Variants in ANXA4 observed in about 807,000 individuals in gnomAD.
ANXA4 encodes 35-beta calcimedin.
A neutral mutation model predicts 49.8 loss-of-function variants in ANXA4; 39 were observed. The ratio of observed to expected loss-of-function variants is 0.78; its 90% confidence interval spans 0.61 to 1.02. The LOEUF (loss-of-function observed/expected upper bound fraction) is 1.02, where lower values mean the gene tolerates loss of function less well. ANXA4 is among the 50% of genes least tolerant of loss of function. The pLI is 0.00. For synonymous variants in ANXA4, 134 were observed against 152.5 expected (o/e 0.88, Z 0.89); for missense variants, 360 against 410.1 (o/e 0.88, Z 1.05).
chr2:69,741,162 A>G (rs569787058), upstream of ANXA4, among the ~76,000 whole-genome samples: 103 of 152,244 alleles, frequency 6.8e-4, no homozygotes, highest in Non-Finnish European at 1.3e-3. Flanking sequence ...GCCATTAACC[A>G]CTTAGATTTT....
chr2:69,693,640 G>A (rs376815138), intron 2 of ANXA4, among the ~76,000 whole-genome samples: 1 of 152,288 alleles, frequency 6.6e-6, no homozygotes, highest in African/African-American at 2.4e-5. Flanking sequence ...CAGTGTCTGT[G>A]GGGACAGGAG....
At chr2:69,770,239 T>G (rs1671654015) in intron 1 of ANXA4, among the ~76,000 whole-genome samples, 5 of 152,150 alleles carry the variant, frequency 3.3e-5, no homozygotes, top group Admixed American at 2.6e-4. Context: ...CCTTTACTTT[T>G]AGAAGGATCT....
chr2:69,820,236 G>GT (rs34277325), intron 11 of ANXA4, among the ~76,000 whole-genome samples: 33,048 of 146,148 alleles, frequency 0.23, 3,930 homozygotes, highest in East Asian at 0.39. Context: ...AGAGGAAAGG[G>GT]TTTTTTTTTT....
intron 1 of ANXA4, among the ~76,000 whole-genome samples, chr2:69,769,410 A>G (rs1005979791): frequency 2.4e-4 from 36 of 152,228 alleles, no homozygotes; most frequent in African/African-American, 8.2e-4. Flanking sequence ...TAGGTGTTTT[A>G]TCCCAGTCTG....
intron 2 of ANXA4, among the ~76,000 whole-genome samples, chr2:69,678,389 CT>C (rs150952411): frequency 0.012 from 908 of 78,370 alleles, 5 homozygotes; most frequent in African/African-American, 0.041. Context: ...CTTTTCTTTT[CT>C]TTTTTTTTTT....
In ANXA4 at chr2:69,818,706, G is replaced by C. The variant is rs1573318062; in HGVS notation, c.724+12G>C. On this transcript the variant is annotated intron_variant, in intron 10 of 12. Transcript: ENST00000394295. The stretch of plus-strand genomic sequence containing the variant: ...TCTGCTGGCTATAGGTAAGCTGGTA[G>C]GGGGAGTAGAGAAACAAATGTTTAT... 6 of 1,552,356 alleles carry C rather than the reference G, an allele frequency of 3.9e-6. No homozygotes were observed. The East Asian group carries it at 1.4e-4, about 35-fold the overall frequency.
intron 6 of ANXA4, 58 bp from the exon 7 acceptor site, chr2:69,810,536 G>A: frequency 2.8e-6 from 4 of 1,427,022 alleles, no homozygotes; most frequent in Non-Finnish European, 3.0e-6. Context: ...TCTGGAGTGT[G>A]ACAGGGCATT....
At chr2:69,683,933 G>A (rs1677692377) in intron 2 of ANXA4, among the ~76,000 whole-genome samples, 1 of 152,152 alleles carries the variant, frequency 6.6e-6, no homozygotes, top group Admixed American at 6.6e-5. Flanking sequence ...TTGGAACTAT[G>A]CATAAGGGCA....
chr2:69,821,623 T>C (rs1276813509), intron 12 of ANXA4, among the ~76,000 whole-genome samples: 1 of 151,940 alleles, frequency 6.6e-6, no homozygotes, highest in East Asian at 1.9e-4. Context: ...GCATGAGCTT[T>C]GTATTTTTTG....
At chr2:69,677,690 A>G (rs1677457057) in intron 2 of ANXA4, among the ~76,000 whole-genome samples, 2 of 152,280 alleles carry the variant, frequency 1.3e-5, no homozygotes, top group South Asian at 2.1e-4. Flanking sequence ...GCTGAAGGAG[A>G]CTGGAAGAGC....
chr2:69,806,427 G>C lies in ANXA4; in HGVS notation c.235G>C (p.Glu79Gln). 2.5e-6 allele frequency: 4 copies of C among 1,614,146 alleles called. No homozygotes were observed. Among genetic ancestry groups the C allele is most frequent in the South Asian group, 1.1e-5 (1 of 91,080 alleles). Residue 79 changes from glutamate (E) to glutamine (Q), a missense_variant, in exon 5 of 13, where the codon GAG becomes CAG. Glu to Gln is a conservative substitution (Grantham distance 29). Coordinates refer to ENST00000394295, the MANE Select transcript of ANXA4 (RefSeq NM_001153.5). ...GAAGTCAGAACTGAGTGGCAACTTCGAGCAGGTGATTGTGGGGATGATGAC... is the reference window on the plus strand; with the variant it reads ...GAAGTCAGAACTGAGTGGCAACTTCCAGCAGGTGATTGTGGGGATGATGAC... ...DLKSELSGNF[E>Q]QVIVGMMTPT...
At chr2:69,724,137 AAAAAG>A (rs1185068317) in intron 3 of ANXA4, among the ~76,000 whole-genome samples, 2 of 152,170 alleles carry the variant, frequency 1.3e-5, no homozygotes, top group Non-Finnish European at 1.5e-5. Flanking sequence ...AGAAAAAAAG[AAAAAG>A]AAAAGAAATG....
At chr2:69,824,408 C>G (rs1285671425) in intron 12 of ANXA4, among the ~76,000 whole-genome samples, 1 of 150,034 alleles carries the variant, frequency 6.7e-6, no homozygotes, top group African/African-American at 2.5e-5. Flanking sequence ...GCAGCTGAGG[C>G]AGGAGAATCA....
At chr2:69,695,303 C>G (rs562447181) in intron 2 of ANXA4, among the ~76,000 whole-genome samples, 1 of 152,116 alleles carries the variant, frequency 6.6e-6, no homozygotes, top group Non-Finnish European at 1.5e-5. Context: ...GCATTGCAGA[C>G]GAGTATAACC....
intron 2 of ANXA4, among the ~76,000 whole-genome samples, chr2:69,716,555 T>C (rs1669639933): frequency 6.6e-6 from 1 of 152,004 alleles, no homozygotes; most frequent in Admixed American, 6.6e-5. Context: ...GTTTGGTCTT[T>C]ATGTGAGGGC....
rs199943902 is a variant in ANXA4 at position 69,647,388 on chromosome 2, T to TTTTATTTATTTA, written n.481+2507_481+2518dup. On this transcript the variant is annotated intron_variant and non_coding_transcript_variant, in intron 1 of 3. Coordinates refer to the ANXA4 transcript ENST00000418066. Reference sequence around the variant, plus strand: ...ATATTGTTTTATTGTTTTATTTTTATTTTATTTATTTATTTATTTATTTAT... The same window carrying TTTTATTTATTTA: ...ATATTGTTTTATTGTTTTATTTTTATTTTATTTATTTATTTATTTATTTATTTATTTATTTAT... 9.9e-3 allele frequency among the ~76,000 whole-genome samples: 1,441 copies of TTTTATTTATTTA among 145,998 alleles called. 21 individuals carry two copies. Among genetic ancestry groups the TTTTATTTATTTA allele is most frequent in the African/African-American group, 0.031 (1,235 of 39,710 alleles).
intron 2 of ANXA4, among the ~76,000 whole-genome samples, chr2:69,784,554 A>G (rs1672336188): frequency 6.6e-6 from 1 of 152,270 alleles, no homozygotes; most frequent in African/African-American, 2.4e-5. Flanking sequence ...GATATATAAT[A>G]GAAGAAAAGA....
rs1024469611 is a variant in ANXA4 at position 69,645,117 on chromosome 2, A to G, written n.481+212A>G. On this transcript the variant is annotated intron_variant and non_coding_transcript_variant, in intron 1 of 3. Coordinates refer to the ANXA4 transcript ENST00000418066. ...TTTTTCAGCGGGTATTTGAGTAGAG[A>G]AGGGTGTCCCAGGGAAAAAAATGGT... is the stretch of plus-strand genomic sequence containing the variant. 2.0e-5 allele frequency among the ~76,000 whole-genome samples: 3 copies of G among 152,134 alleles called. No homozygotes were observed. In the South Asian group the frequency reaches 6.2e-4, roughly 31 times the overall value.
chr2:69,761,240 G>A (rs745373215), intron 1 of ANXA4, among the ~76,000 whole-genome samples: 1 of 152,054 alleles, frequency 6.6e-6, no homozygotes, highest in Non-Finnish European at 1.5e-5. Context: ...GTAGCAGTCT[G>A]ATGTGTATTT....
Sources: gnomAD v4.1 joint callset for allele counts (sites outside exome capture counted in the v4.1 genomes callset) on GRCh38, gnomAD v4.1.1 for gene constraint, MANE v1.5 for transcripts, NCBI Gene and HGNC (gene_info 2026-07-23, HGNC 2026-07-21) for gene names.